Variants in TEX15 observed in about 807,000 individuals in gnomAD.
TEX15 encodes the protein testis expressed 15, meiosis and synapsis associated.
TEX15 carries 171 observed loss-of-function variants against 237.3 expected under a neutral mutation model. That is an observed-to-expected ratio of 0.72 (90% CI 0.64 to 0.82). TEX15 has a LOEUF of 0.82. Ranked by LOEUF, TEX15 falls within the 40% of genes least tolerant of loss-of-function variation. The pLI, the probability that TEX15 is intolerant of heterozygous loss-of-function variation, is 0.00. For missense variants in TEX15, 3,750 were observed against 3,646.5 expected, an observed-to-expected ratio of 1.03 and a Z score of -0.73; for synonymous variants, 1,338 against 1,269.8, an observed-to-expected ratio of 1.05 and a Z score of -1.14.
intron 4 of TEX15, among the ~76,000 whole-genome samples, chr8:30,870,231 A>G (rs1202701103): frequency 6.6e-6 from 1 of 152,082 alleles, no homozygotes; most frequent in African/African-American, 2.4e-5. Context: ...AGCTGAGTGG[A>G]TGAAATAGAA....
rs1563271566 is a variant in TEX15, at chr8:30,887,888, T to TCA, written c.-9-579_-9-578dup. The TCA allele has an allele frequency of 3.7e-5, 3 of 81,470 alleles. No individual in the cohort carries two copies. The East Asian group carries it at 1.2e-3, about 33-fold the overall frequency. 5.0% of individuals were successfully genotyped at this position (81,470 alleles called of 1,614,324 possible). On this transcript the variant is annotated intron_variant, in intron 2 of 10. Coordinates refer to ENST00000643185, the MANE Select transcript of TEX15 (RefSeq NM_001350162.2). The stretch of plus-strand genomic sequence containing the variant: ...CACATATATATTTCACATATATATT[T>TCA]CATATATATATATATATATATATAT...
chr8:30,843,747 A>G lies in TEX15; in HGVS notation c.6420T>C (p.Cys2140=). The G allele has an allele frequency of 6.2e-7, 1 of 1,613,466 alleles. No individual in the cohort carries two copies. Among genetic ancestry groups the G allele is most frequent in the South Asian group, 1.1e-5 (1 of 90,994 alleles). Residue 2140 remains cysteine, a synonymous_variant, in exon 8 of 11, where the codon TGT becomes TGC. Transcript: ENST00000643185. ...FQGRLKYNAF[C]ELQTYHDQLV... The stretch of plus-strand genomic sequence containing the variant: ...ATTGATCATGGTAAGTCTGTAACTC[A>G]CAGAATGCATTATATTTTAATCTTC...
At chr8:30,834,019 G>T (rs1273072247) in intron 10 of TEX15, among the ~76,000 whole-genome samples, 1 of 151,994 alleles carries the variant, frequency 6.6e-6, no homozygotes, top group Non-Finnish European at 1.5e-5. Context: ...TTACAATCAA[G>T]ATTTCCTATC....
At chr8:30,853,293 C>T (rs997818690) in intron 7 of TEX15, among the ~76,000 whole-genome samples, 9 of 152,088 alleles carry the variant, frequency 5.9e-5, no homozygotes, top group South Asian at 2.1e-4. Context: ...TAGGTAAAAT[C>T]GTCAAGGAAA....
intron 3 of TEX15, among the ~76,000 whole-genome samples, chr8:30,880,441 A>G (rs1808494533): frequency 6.6e-6 from 1 of 152,154 alleles, no homozygotes; most frequent in Non-Finnish European, 1.5e-5. Context: ...ACAGTGGGAC[A>G]ACTTATACTT....
chr8:30,888,862 T>C (rs577726203), intron 2 of TEX15, among the ~76,000 whole-genome samples: 1 of 152,142 alleles, frequency 6.6e-6, no homozygotes, highest in East Asian at 1.9e-4. Flanking sequence ...AAAAGACCTC[T>C]AGAAAAAAAG....
chr8:30,856,199 G>A (rs1414726558), intron 7 of TEX15, among the ~76,000 whole-genome samples: 3 of 151,998 alleles, frequency 2.0e-5, no homozygotes, highest in Non-Finnish European at 4.4e-5. Context: ...ATCTGCCTCG[G>A]CCTCCCAAAG....
intron 3 of TEX15, among the ~76,000 whole-genome samples, chr8:30,878,667 G>A (rs984562979): frequency 1.3e-5 from 2 of 152,046 alleles, no homozygotes; most frequent in African/African-American, 2.4e-5. Flanking sequence ...GAATACATGC[G>A]TGAGCCACTG....
At position 30,847,817 on chromosome 8, in the gene TEX15, A is replaced by C. The variant is rs1807657514; in HGVS notation, c.2350T>G (p.Ser784Ala). The C allele has an allele frequency of 1.2e-6, 2 of 1,613,894 alleles. No individual in the cohort carries two copies. Among genetic ancestry groups the C allele is most frequent in the Admixed American group, 1.7e-5 (1 of 60,022 alleles). The stretch of plus-strand genomic sequence containing the variant: ...TGAGCTGTTTCTATGTTATAAGATG[A>C]AATAACTGTATCAATGAACATTTCT... The part of the protein sequence containing the change: ...AKEMFIDTVI[S>A]SYNIETAHDS... The change falls in exon 8 of 11, where the codon TCA (serine) becomes GCA (alanine). Residue 784 changes from serine to alanine, a missense_variant. Physicochemically the swap from Ser to Ala is moderately conservative, Grantham distance 99 (BLOSUM62 1). Transcript: ENST00000643185.
At chr8:30,871,054 C>T (rs1468234525) in intron 4 of TEX15, among the ~76,000 whole-genome samples, 1 of 151,600 alleles carries the variant, frequency 6.6e-6, no homozygotes, top group Non-Finnish European at 1.5e-5. Context: ...AAGCTGAGTC[C>T]CCCTCATATC....
chr8:30,852,100 CTTTTTTTTTTTTTTT>C (rs910989172), intron 7 of TEX15, among the ~76,000 whole-genome samples: 8 of 90,424 alleles, frequency 8.8e-5, no homozygotes, highest in Admixed American at 7.9e-4. Flanking sequence ...TTAATTTAAT[CTTTTTTTTTTTTTTT>C]TTTTTTTTTT....
In TEX15 at chr8:30,845,631, T is replaced by C. The variant is rs1218495036; in HGVS notation, c.4536A>G (p.Gln1512=). Reference sequence around the variant, plus strand: ...CAGGCAACTGTGATTCAGGATGTTCTTGATTACAAAATTCTCCCATGTGAC... The same window carrying C: ...CAGGCAACTGTGATTCAGGATGTTCCTGATTACAAAATTCTCCCATGTGAC... ...TTSHMGEFCN[Q]EHPESQLPVS... is the part of the protein sequence containing the mutation. The change falls in exon 8 of 11, where the codon CAA becomes CAG. Residue 1512 remains glutamine (Q), a synonymous_variant. Coordinates refer to ENST00000643185, the MANE Select transcript of TEX15 (RefSeq NM_001350162.2). 3.1e-6 allele frequency: 5 copies of C among 1,613,606 alleles called. No homozygotes were observed. In the South Asian group the frequency reaches 3.3e-5, roughly 11 times the overall value.
chr8:30,849,453 G>A (rs192495954), intron 7 of TEX15, 137 bp from the exon 8 acceptor site: 32 of 503,634 alleles, frequency 6.4e-5, no homozygotes, highest in Admixed American at 1.1e-4. Context: ...TGTTTTCAAC[G>A]GAAAAAGCAA....
At chr8:30,880,413 T>C (rs867014791) in intron 3 of TEX15, among the ~76,000 whole-genome samples, 5 of 152,204 alleles carry the variant, frequency 3.3e-5, no homozygotes, top group Non-Finnish European at 7.3e-5. Context: ...AGTTGACTCA[T>C]GAACAATATG....
rs982643011 is a variant in TEX15 at position 30,887,296 on chromosome 8, T to C, written c.7A>G (p.Met3Val). 9 of 1,530,426 alleles carry C rather than the reference T, an allele frequency of 5.9e-6. No homozygotes were observed. The highest frequency in any genetic ancestry group is 2.0e-5 in the Admixed American group (1 of 49,732). The allele number at this position is 1,530,426 out of a possible 1,614,324, so 94.8% of individuals were successfully genotyped here. A position where few individuals can be genotyped will look rare whatever the true frequency, so the allele number is the denominator to read the frequency against. The stretch of plus-strand genomic sequence containing the variant: ...GTATCCTGTTTAGCAGTTTCTTTCA[T>C]TTCCATTTTGTTGGCCTAAAATCAA... ME[M>V]KETAKQDTLW... is the part of the protein sequence containing the mutation. The change falls in exon 3 of 11, where the codon ATG (methionine) becomes GTG (valine). Residue 3 changes from methionine to valine, a missense_variant. Coordinates refer to ENST00000643185, the MANE Select transcript of TEX15 (RefSeq NM_001350162.2).
At chr8:30,850,607 G>A (rs1397635294) in intron 7 of TEX15, among the ~76,000 whole-genome samples, 1 of 152,084 alleles carries the variant, frequency 6.6e-6, no homozygotes, top group Non-Finnish European at 1.5e-5. Context: ...ATGAAGAGAT[G>A]TAGTTCTTTA....
intron 5 of TEX15, 72 bp from the exon 6 acceptor site, chr8:30,860,129 A>G: frequency 7.9e-7 from 1 of 1,260,760 alleles, no homozygotes; most frequent in African/African-American, 1.5e-5. Context: ...CACATTTCAA[A>G]CATAAAAGGC....
rs377075605 is a variant in TEX15 at position 30,844,672 on chromosome 8, G to A, written c.5495C>T (p.Thr1832Ile). 5.0e-6 allele frequency: 8 copies of A among 1,613,066 alleles called. No homozygotes were observed. The highest frequency in any genetic ancestry group is 3.3e-5 in the Admixed American group (2 of 59,918). Residue 1832 changes from threonine to isoleucine, a missense_variant, in exon 8 of 11, where the codon ACA becomes ATA. Transcript: ENST00000643185. Reference sequence around the variant, plus strand: ...CTCAGTGTCTTTCTTCACAATACATGTTTCTGAAGAGGAGCCTTTTACATT... The same window carrying A: ...CTCAGTGTCTTTCTTCACAATACATATTTCTGAAGAGGAGCCTTTTACATT... ...KDNVKGSSSE[T>I]CIVKKDTEDR...
In TEX15 at chr8:30,837,931, C is replaced by T. The variant is rs982521970; in HGVS notation, c.8353G>A (p.Glu2785Lys). 1.5e-5 allele frequency: 25 copies of T among 1,614,030 alleles called. No individual in the cohort carries two copies. Among genetic ancestry groups the T allele is most frequent in the Non-Finnish European group, 1.9e-5 (23 of 1,180,030 alleles). Residue 2785 changes from glutamate (E) to lysine (K), a missense_variant, in exon 10 of 11, where the codon GAG (glutamate) becomes AAG (lysine). By Grantham distance (56) the Glu-to-Lys change is moderately conservative. Coordinates refer to ENST00000643185, the MANE Select transcript of TEX15 (RefSeq NM_001350162.2). ...RSLPGSLLPL[E>K]NPKDTCASKS... Reference sequence around the variant, plus strand: ...GATGCGCAAGTGTCTTTTGGGTTCTCTAAGGGTAAAAGTGAGCCAGGTAGT... The same window carrying T: ...GATGCGCAAGTGTCTTTTGGGTTCTTTAAGGGTAAAAGTGAGCCAGGTAGT...
Sources: gnomAD v4.1 joint callset for allele counts (sites outside exome capture counted in the v4.1 genomes callset) on GRCh38, gnomAD v4.1.1 for gene constraint, MANE v1.5 for transcripts, NCBI Gene and HGNC (gene_info 2026-07-23, HGNC 2026-07-21) for gene names.